The following SH3RF3 variants were observed in gnomAD, a reference collection of about 807,000 sequenced individuals.
SH3RF3 encodes the protein E3 ubiquitin-protein ligase SH3RF3.
A neutral mutation model predicts 66.3 loss-of-function variants in SH3RF3; 29 were observed. The observed-to-expected ratio is 0.44, with a 90% CI of 0.33 to 0.60. The LOEUF (loss-of-function observed/expected upper bound fraction) is 0.60, where lower values mean the gene tolerates loss of function less well. SH3RF3 is among the 20% of genes least tolerant of loss of function. SH3RF3 has a pLI of 0.04. For synonymous variants in SH3RF3, 583 were observed against 532.0 expected, an observed-to-expected ratio of 1.10 and a Z score of -1.32; for missense variants, 1,194 against 1,190.9, an observed-to-expected ratio of 1.00 and a Z score of -0.04.
intron 4 of SH3RF3, among the ~76,000 whole-genome samples, chr2:109,405,060 C>T (rs1463877145): frequency 6.6e-6 from 1 of 151,366 alleles, no homozygotes. Flanking sequence ...CACAAATACC[C>T]CCCACCTTCT....
intron 3 of SH3RF3, among the ~76,000 whole-genome samples, chr2:109,373,837 C>T (rs970787440): frequency 6.6e-6 from 1 of 152,170 alleles, no homozygotes; most frequent in East Asian, 1.9e-4. Context: ...CTGACAGTAG[C>T]GGAGGTGGCT....
chr2:109,170,244 T>TTTCTTTTCTC (rs1677733553), intron 1 of SH3RF3, among the ~76,000 whole-genome samples: 1 of 32,966 alleles, frequency 3.0e-5, no homozygotes, highest in Non-Finnish European at 6.4e-5. Context: ...CTTCTTTTCT[T>TTTCTTTTCTC]TTCTCTTCTC....
rs146114882 is a variant in SH3RF3, at chr2:109,335,054, G to A, written c.574-12620G>A. Among the ~76,000 whole-genome samples, 447 of 152,336 alleles carry A rather than the reference G, an allele frequency of 2.9e-3. 3 individuals are homozygous for A. Among genetic ancestry groups the A allele is most frequent in the African/African-American group, 0.01 (426 of 41,580 alleles). On this transcript the variant is annotated intron_variant, in intron 1 of 9. Coordinates refer to ENST00000309415, the MANE Select transcript of SH3RF3 (RefSeq NM_001099289.3). Reference sequence around the variant, plus strand: ...TGTGCTCCCTGATCATTGAAGACACGGTTTTGTCTCTGCCTGGGATCATGG... The same window carrying A: ...TGTGCTCCCTGATCATTGAAGACACAGTTTTGTCTCTGCCTGGGATCATGG...
chr2:109,190,482 A>ATTT (rs781242433), intron 1 of SH3RF3, among the ~76,000 whole-genome samples: 2 of 152,150 alleles, frequency 1.3e-5, no homozygotes, highest in African/African-American at 2.4e-5. Context: ...TCGACATCCT[A>ATTT]TTTTTATAGA....
At chr2:109,287,975 T>C (rs945931142) in intron 1 of SH3RF3, among the ~76,000 whole-genome samples, 5 of 152,256 alleles carry the variant, frequency 3.3e-5, no homozygotes, top group Non-Finnish European at 7.3e-5. Context: ...CAAGTTCTTA[T>C]TTGAAAGGCG....
chr2:109,502,556 A>G lies in SH3RF3; in HGVS notation c.*885A>G, dbSNP rs1046588159. The G allele has an allele frequency of 4.6e-5, 7 of 151,906 alleles. No homozygotes were observed. Among genetic ancestry groups the G allele is most frequent in the Admixed American group, 4.6e-4 (7 of 15,266 alleles). 9.4% of individuals were successfully genotyped at this position (151,906 alleles called of 1,614,324 possible). A position where few individuals can be genotyped will look rare whatever the true frequency, so the allele number is the denominator to read the frequency against. Reference sequence around the variant, plus strand: ...ATCCCGCACCTCAGCGCTGGCCAGTACTCTGGGGGCTGGCGGGGTGGATCC... The same window carrying G: ...ATCCCGCACCTCAGCGCTGGCCAGTGCTCTGGGGGCTGGCGGGGTGGATCC... On this transcript the variant is annotated 3_prime_UTR_variant, in exon 10 of 10. Coordinates refer to ENST00000309415, the MANE Select transcript of SH3RF3 (RefSeq NM_001099289.3).
chr2:109,342,084 T>C (rs1201069278), intron 1 of SH3RF3, among the ~76,000 whole-genome samples: 1 of 152,186 alleles, frequency 6.6e-6, no homozygotes, highest in Non-Finnish European at 1.5e-5. Flanking sequence ...CCACATGCTG[T>C]GCTATACAGG....
At chr2:109,198,124 AC>A (rs1678550980) in intron 1 of SH3RF3, among the ~76,000 whole-genome samples, 1 of 152,132 alleles carries the variant, frequency 6.6e-6, no homozygotes, top group South Asian at 2.1e-4. Context: ...GTCTCTCAGT[AC>A]CCTAAGCAGA....
chr2:109,498,796 A>AC (rs1034897251), intron 9 of SH3RF3, among the ~76,000 whole-genome samples: 1 of 152,184 alleles, frequency 6.6e-6, no homozygotes, highest in Admixed American at 6.5e-5. Flanking sequence ...GGTTGGGTAA[A>AC]CAGGTGAATG....
chr2:109,433,657 C>T lies in SH3RF3; in HGVS notation c.1574+986C>T, dbSNP rs553549593. ...CTGATTGCTACTTGCAGAGTGGTCT[C>T]GGGACACATGCGGTGTTGACTTGAG... On this transcript the variant is annotated intron_variant, in intron 6 of 9. Transcript: ENST00000309415. Among the ~76,000 whole-genome samples, 495 of 152,268 alleles carry T rather than the reference C, an allele frequency of 3.3e-3. 3 individuals carry two copies. The highest frequency in any genetic ancestry group is 0.027 in the Middle Eastern group (8 of 294).
At chr2:109,356,315 A>G (rs113160599) in intron 2 of SH3RF3, among the ~76,000 whole-genome samples, 4,388 of 152,180 alleles carry the variant, frequency 0.029, 155 homozygotes, top group African/African-American at 0.089. Flanking sequence ...AATTTCCCAC[A>G]TTGATATTTG....
rs140322237 is a variant in SH3RF3 at position 109,247,238 on chromosome 2, A to G, written c.574-100436A>G. ...CACCCCACACAGATGCCCACAGATT[A>G]TGTGCTGCAGTGAGTCCTTAATGTC... On this transcript the variant is annotated intron_variant, in intron 1 of 9. Coordinates refer to ENST00000309415, the MANE Select transcript of SH3RF3 (RefSeq NM_001099289.3). Among the ~76,000 whole-genome samples the G allele has an allele frequency of 2.8e-4, 42 of 152,320 alleles. No homozygotes were observed. In the Middle Eastern group the frequency reaches 0.014, roughly 49 times the overall value.
At chr2:109,456,025 C>G (rs976660973) in intron 8 of SH3RF3, among the ~76,000 whole-genome samples, 5 of 152,236 alleles carry the variant, frequency 3.3e-5, no homozygotes, top group Admixed American at 3.3e-4. Context: ...CACGGAGCCC[C>G]TTGGCCCATG....
At chr2:109,302,855 T>C (rs1681503292) in intron 1 of SH3RF3, among the ~76,000 whole-genome samples, 1 of 152,134 alleles carries the variant, frequency 6.6e-6, no homozygotes, top group Admixed American at 6.5e-5. Flanking sequence ...TGAGATCAGA[T>C]TATCTGATCT....
chr2:109,257,328 T>G (rs1680244047), intron 1 of SH3RF3, among the ~76,000 whole-genome samples: 1 of 138,030 alleles, frequency 7.2e-6, no homozygotes, highest in African/African-American at 2.9e-5. Context: ...GAAGGAGGAA[T>G]GAAGGAAAGA....
intron 2 of SH3RF3, among the ~76,000 whole-genome samples, chr2:109,370,695 T>C (rs1026260358): frequency 2.6e-5 from 4 of 152,286 alleles, no homozygotes; most frequent in African/African-American, 9.6e-5. Flanking sequence ...CCTGTGACAG[T>C]GTCCTATTTC....
intron 3 of SH3RF3, among the ~76,000 whole-genome samples, chr2:109,379,251 A>T (rs1455250181): frequency 6.6e-6 from 1 of 152,220 alleles, no homozygotes; most frequent in African/African-American, 2.4e-5. Flanking sequence ...GAATTTTGAA[A>T]TAAGGGTCAG....
intron 1 of SH3RF3, among the ~76,000 whole-genome samples, chr2:109,324,252 G>T (rs1274193730): frequency 2.0e-5 from 3 of 152,160 alleles, no homozygotes; most frequent in Non-Finnish European, 4.4e-5. Flanking sequence ...CACCATCACA[G>T]GTAGTGCCCT....
chr2:109,222,324 A>C (rs1002825200), intron 1 of SH3RF3, among the ~76,000 whole-genome samples: 1 of 152,252 alleles, frequency 6.6e-6, no homozygotes, highest in African/African-American at 2.4e-5. Context: ...TATATTTTAC[A>C]ATAGCTAAAA....
Sources: gnomAD v4.1 joint callset for allele counts (sites outside exome capture counted in the v4.1 genomes callset) on GRCh38, gnomAD v4.1.1 for gene constraint, MANE v1.5 for transcripts, NCBI Gene and HGNC (gene_info 2026-07-23, HGNC 2026-07-21) for gene names.